PROM2: variants seen among roughly 807,000 people sequenced by gnomAD.
PROM2 encodes prominin 2.
Under a neutral mutation model 110.2 loss-of-function variants are expected in PROM2, and 90 were observed. The observed-to-expected ratio is 0.82, with a 90% CI of 0.69 to 0.97. The LOEUF is 0.97. Among genes scored for constraint, PROM2 ranks in the 50% least tolerant of loss-of-function variants. The pLI, the probability that PROM2 is intolerant of heterozygous loss-of-function variation, is 0.00. For missense variants in PROM2, 1,009 were observed against 1,074.8 expected (o/e 0.94, Z 0.86); for synonymous variants, 470 against 467.8 (o/e 1.00, Z -0.06).
chr2:95,277,671 T>A (rs1676756498), intron 7 of PROM2, 105 bp downstream of exon 7: 1 of 1,171,628 alleles, frequency 8.5e-7, no homozygotes, highest in Non-Finnish European at 1.2e-6. Flanking sequence ...GTTCCTCCCT[T>A]GCTCCACCCA....
At position 95,276,942 on chromosome 2, in the gene PROM2, C is replaced by T. The variant is rs1233663359; in HGVS notation, c.683-30C>T. ...GGAGGGCCCCTCCACTCTTGGGGTC[C>T]CACCCTGCAGACTGCCCTGTGCTCT... On this transcript the variant is annotated intron_variant, in intron 5 of 23. Transcript: ENST00000317620. The surrounding 1 kb of genome is among the most constrained non-coding windows in gnomAD (Gnocchi z 4.6). 9.0e-6 allele frequency: 14 copies of T among 1,548,572 alleles called. No homozygotes were observed. The East Asian group carries it at 2.4e-4, about 27-fold the overall frequency.
chr2:95,279,746 T>C, intron 10 of PROM2, 99 bp from the exon 11 acceptor site: 1 of 989,108 alleles, frequency 1.0e-6, no homozygotes, highest in Non-Finnish European at 1.4e-6. Flanking sequence ...GCCCCAGCCT[T>C]GGGGTTAGAG....
chr2:95,287,990 G>C (rs957978510), intron 20 of PROM2, among the ~76,000 whole-genome samples: 14 of 152,226 alleles, frequency 9.2e-5, no homozygotes, highest in Non-Finnish European at 1.9e-4. Context: ...ATCCAGGCTG[G>C]TGAACAGATG....
chr2:95,276,787 C>A lies in PROM2; in HGVS notation c.682+130C>A. On this transcript the variant is annotated intron_variant, in intron 5 of 23. Coordinates refer to ENST00000317620, the MANE Select transcript of PROM2 (RefSeq NM_001165978.3). This position sits in a 1 kb window ranked among gnomAD's most constrained non-coding sequence, Gnocchi z 4.6. ...CAGGCTGGTAGAGGTGGGGATCAGG[C>A]CGGCTGGAGAGCAAGAGTGGCCGCC... 3 of 1,190,402 alleles carry A rather than the reference C, an allele frequency of 2.5e-6. No individual in the cohort carries two copies. Among genetic ancestry groups the A allele is most frequent in the Non-Finnish European group, 3.6e-6 (3 of 825,888 alleles). The allele number at this position is 1,190,402 out of a possible 1,614,324, so 73.7% of individuals were successfully genotyped here.
rs778110327 is a variant in PROM2 at position 95,276,279 on chromosome 2, G to T, written c.550G>T (p.Gly184Cys). The T allele has an allele frequency of 6.2e-7, 1 of 1,613,892 alleles. No homozygotes were observed. Among genetic ancestry groups the T allele is most frequent in the Non-Finnish European group, 8.5e-7 (1 of 1,180,038 alleles). Residue 184 changes from glycine to cysteine, a missense_variant, in exon 4 of 24, where the codon GGC (glycine) becomes TGC (cysteine). Gly to Cys is a radical substitution (Grantham distance 159). Transcript: ENST00000317620. This position sits in a 1 kb window ranked among gnomAD's most constrained non-coding sequence, Gnocchi z 4.6. ...VTNQRTHEQM[G>C]PSIEAMPETL... is the part of the protein sequence containing the mutation. ...CAACCAGCGCACGCATGAACAGATG[G>T]GCCCCAGCATCGAGGCCATGCCTGA...
rs762297369 is a variant in PROM2 at position 95,287,249 on chromosome 2, C to A, written c.2175+36C>A. On this transcript the variant is annotated intron_variant, in intron 19 of 23. Coordinates refer to ENST00000317620, the MANE Select transcript of PROM2 (RefSeq NM_001165978.3). ...GGTGGGACAGGGAAGGGGCTTCCAC[C>A]CCAGGCTTCTCCAGTCCCAGCTTCT... 10 of 1,603,894 alleles carry A rather than the reference C, an allele frequency of 6.2e-6. 1 individual carries two copies. The Middle Eastern group carries it at 1.3e-3, about 213-fold the overall frequency.
At chr2:95,280,153 T>A (rs1676966138) in intron 11 of PROM2, among the ~76,000 whole-genome samples, 156 bp downstream of exon 11, 1 of 152,122 alleles carries the variant, frequency 6.6e-6, no homozygotes, top group Non-Finnish European at 1.5e-5. Context: ...AAGGAGCTCT[T>A]CCTTCCTACA....
chr2:95,281,590 G>A (rs1677049441), intron 12 of PROM2, among the ~76,000 whole-genome samples: 1 of 152,118 alleles, frequency 6.6e-6, no homozygotes, highest in Non-Finnish European at 1.5e-5. Context: ...CCAGGGCAGG[G>A]ACCCTGAGAG....
At position 95,275,369 on chromosome 2, in the gene PROM2, C is replaced by G. The variant is rs1676585152; in HGVS notation, c.245-92C>G. The G allele has an allele frequency of 1.5e-6, 2 of 1,294,244 alleles. No homozygotes were observed. The highest frequency in any genetic ancestry group is 2.2e-6 in the Non-Finnish European group (2 of 924,200). The allele number at this position is 1,294,244 out of a possible 1,614,324, so 80.2% of individuals were successfully genotyped here. ...CATGGTGGTGGCAGGAGCCCTGCCT[C>G]AGAGCCACTTTGCCCTGGCAGTGGG... On this transcript the variant is annotated intron_variant, in intron 1 of 23. Coordinates refer to ENST00000317620, the MANE Select transcript of PROM2 (RefSeq NM_001165978.3). The surrounding 1 kb of genome is among the most constrained non-coding windows in gnomAD (Gnocchi z 4.4).
At position 95,290,232 on chromosome 2, in the gene PROM2, G is replaced by A. The variant is rs1230367810; in HGVS notation, c.*1019G>A. 1 of 152,374 alleles carries A rather than the reference G, an allele frequency of 6.6e-6. No individual in the cohort carries two copies. The highest frequency in any genetic ancestry group is 2.4e-5 in the African/African-American group (1 of 41,460). The allele number at this position is 152,374 out of a possible 1,614,324, so 9.4% of individuals were successfully genotyped here. A position where few individuals can be genotyped will look rare whatever the true frequency, so the allele number is the denominator to read the frequency against. On this transcript the variant is annotated 3_prime_UTR_variant, in exon 24 of 24. Coordinates refer to ENST00000317620, the MANE Select transcript of PROM2 (RefSeq NM_001165978.3). The stretch of plus-strand genomic sequence containing the variant: ...GCCCATCCCTGTGTCAGCCCTGAGT[G>A]CTGGACACTGCGTTCCAGAAATGAG...
At position 95,279,873 on chromosome 2, in the gene PROM2, G is replaced by A. The variant is rs201963410; in HGVS notation, c.1303G>A (p.Val435Met). 8.5e-4 allele frequency: 1,309 copies of A among 1,532,064 alleles called. 26 individuals are homozygous for A. The South Asian group carries it at 0.015, about 17-fold the overall frequency. 94.9% of individuals were successfully genotyped at this position (1,532,064 alleles called of 1,614,324 possible). The change falls in exon 11 of 24, where the codon GTG (valine) becomes ATG (methionine). Residue 435 changes from valine to methionine, a missense_variant. Physicochemically the swap from Val to Met is conservative, Grantham distance 21. Coordinates refer to ENST00000317620, the MANE Select transcript of PROM2 (RefSeq NM_001165978.3). The stretch of plus-strand genomic sequence containing the variant: ...GATCGTGGGCTGCGTGCTGTGCTCC[G>A]TGGTCCTATTCGTGGTGCTCTGCAA... ...RWIVGCVLCS[V>M]VLFVVLCNLL...
chr2:95,286,485 T>G lies in PROM2; in HGVS notation c.1954T>G (p.Ser652Ala), dbSNP rs1677361639. 6.2e-7 allele frequency: 1 copy of G among 1,613,732 alleles called. No homozygotes were observed. The highest frequency in any genetic ancestry group is 8.5e-7 in the Non-Finnish European group (1 of 1,179,948). Residue 652 changes from serine to alanine, a missense_variant, in exon 17 of 24, where the codon TCT becomes GCT. By Grantham distance (99) the Ser-to-Ala change is moderately conservative (BLOSUM62 1). Coordinates refer to ENST00000317620, the MANE Select transcript of PROM2 (RefSeq NM_001165978.3). ...LQGLAQAQDN[S>A]VLGQRLQEEA... ...GATTTTTGTATCCTTTCAGGACAAT[T>G]CTGTGCTGGGGCAGCGGCTGCAGGA... is the stretch of plus-strand genomic sequence containing the variant.
chr2:95,280,062 T>C, intron 11 of PROM2, 65 bp downstream of exon 11: 1 of 1,334,486 alleles, frequency 7.5e-7, no homozygotes, highest in East Asian at 2.8e-5. Flanking sequence ...CTCTCGCTCC[T>C]GAGCATAGCT....
At chr2:95,282,295 G>A in intron 14 of PROM2, 69 bp downstream of exon 14, 1 of 1,278,468 alleles carries the variant, frequency 7.8e-7, no homozygotes, top group Non-Finnish European at 1.1e-6. Flanking sequence ...TTTTGCCTCT[G>A]TGGAGGCACC....
At chr2:95,277,261 G>T in intron 6 of PROM2, 103 bp from the exon 7 acceptor site, 2 of 1,330,288 alleles carry the variant, frequency 1.5e-6, no homozygotes, top group Non-Finnish European at 2.1e-6. Flanking sequence ...GGAGGTCAAT[G>T]ATTTGCAGGT....
intron 8 of PROM2, chr2:95,278,361 A>G (rs1676804003): frequency 1.9e-6 from 1 of 526,694 alleles, no homozygotes; most frequent in Non-Finnish European, 3.4e-6. Context: ...TGAGTCAGCC[A>G]TGCTGGGTGG....
Position 95,282,208 on chromosome 2 carries a change from G to A in PROM2, c.1710G>A (p.Glu570=). ...LQLNDSYDLE[E]HLDINQYTNK... ...TCAACGACTCCTACGACCTGGAGGA[G>A]CACCTGGATATCAACCAGGTGAGAG... Residue 570 remains glutamate (E), a synonymous_variant, in exon 14 of 24, where the codon GAG becomes GAA. Coordinates refer to ENST00000317620, the MANE Select transcript of PROM2 (RefSeq NM_001165978.3). The A allele has an allele frequency of 6.2e-7, 1 of 1,613,776 alleles. No individual in the cohort carries two copies. The highest frequency in any genetic ancestry group is 8.5e-7 in the Non-Finnish European group (1 of 1,179,900).
At chr2:95,286,635 A>G (rs1677374875) in intron 17 of PROM2, 64 bp downstream of exon 17, 1 of 1,460,086 alleles carries the variant, frequency 6.8e-7, no homozygotes, top group African/African-American at 1.4e-5. Context: ...GGGGACAGTG[A>G]AAGGGGAGGG....
chr2:95,276,530 A>T lies in PROM2; in HGVS notation c.619-64A>T. ...CATAGGGGCAGGGAAGGGGCCAGGG[A>T]GAGAAGGGCGTAAGGACTGTGGGTG... On this transcript the variant is annotated intron_variant, in intron 4 of 23. Transcript: ENST00000317620. The surrounding 1 kb of genome is among the most constrained non-coding windows in gnomAD (Gnocchi z 4.6). 2 of 1,610,498 alleles carry T rather than the reference A, an allele frequency of 1.2e-6. No individual in the cohort carries two copies. The highest frequency in any genetic ancestry group is 1.7e-6 in the Non-Finnish European group (2 of 1,177,038).
Sources: gnomAD v4.1 joint callset for allele counts (sites outside exome capture counted in the v4.1 genomes callset) on GRCh38, gnomAD v4.1.1 for gene constraint, Gnocchi (gnomAD v3.1) non-coding constraint, MANE v1.5 for transcripts, NCBI Gene and HGNC (gene_info 2026-07-23, HGNC 2026-07-21) for gene names.